CDK5RAP1: variants seen among roughly 807,000 people sequenced by gnomAD.
The protein encoded by CDK5RAP1 is mitochondrial tRNA methylthiotransferase CDK5RAP1.
Under a neutral mutation model 64.5 loss-of-function variants are expected in CDK5RAP1, and 62 were observed. The observed-to-expected ratio is 0.96, with a 90% CI of 0.78 to 1.19. The LOEUF (loss-of-function observed/expected upper bound fraction) is 1.19, where lower values mean the gene tolerates loss of function less well. Among genes scored for constraint, CDK5RAP1 ranks in the 50% most tolerant of loss-of-function variants. The pLI, the probability that CDK5RAP1 is intolerant of heterozygous loss-of-function variation, is 0.00. For missense variants in CDK5RAP1, 657 were observed against 735.0 expected (o/e 0.89, Z 1.23); for synonymous variants, 250 against 261.9 (o/e 0.95, Z 0.44).
At position 33,370,619 on chromosome 20, in the gene CDK5RAP1, G is replaced by A. The variant is rs2146611922; in HGVS notation, c.1272C>T (p.Leu424=). The change falls in exon 11 of 14, where the codon CTC becomes CTT. Residue 424 remains leucine, a synonymous_variant. Transcript: ENST00000346416. ...HIRESIPGVS[L]SSDFIAGFCG... ...AAAAGCCAGCAATGAAATCGCTGCT[G>A]AGGCTCACACCTGTGATACACAGCA... The A allele has an allele frequency of 1.2e-6, 2 of 1,614,196 alleles. No homozygotes were observed. Among genetic ancestry groups the A allele is most frequent in the Non-Finnish European group, 1.7e-6 (2 of 1,180,028 alleles).
intron 7 of CDK5RAP1, among the ~76,000 whole-genome samples, chr20:33,380,571 G>C (rs540579042): frequency 6.6e-6 from 1 of 152,116 alleles, no homozygotes; most frequent in African/African-American, 2.4e-5. Flanking sequence ...GTATCTAGGG[G>C]CAAGTGTCCT....
At chr20:33,389,003 G>A (rs1032877571) in intron 5 of CDK5RAP1, among the ~76,000 whole-genome samples, 1 of 152,218 alleles carries the variant, frequency 6.6e-6, no homozygotes, top group Non-Finnish European at 1.5e-5. Context: ...GCCTGCCTTG[G>A]CCTCCCAAAG....
At position 33,374,129 on chromosome 20, in the gene CDK5RAP1, C is replaced by A; in HGVS notation, c.1191G>T (p.Glu397Asp). 6.2e-7 allele frequency: 1 copy of A among 1,613,398 alleles called. No homozygotes were observed. The highest frequency in any genetic ancestry group is 2.2e-5 in the East Asian group (1 of 44,878). ...GCAAGCCTGACCCCCTCCGCATGGC[C>A]TCCAACACACGGCTGCTTCCACTCT... ...PAQSGSSRVL[E>D]AMRRGYSREA... is the part of the protein sequence containing the mutation. The change falls in exon 9 of 14, where the codon GAG becomes GAT. Residue 397 changes from glutamate (E) to aspartate (D), a missense_variant. Transcript: ENST00000346416.
intron 11 of CDK5RAP1, among the ~76,000 whole-genome samples, chr20:33,368,459 ATTTTTT>A (rs35954744): frequency 8.9e-5 from 6 of 67,566 alleles, no homozygotes; most frequent in South Asian, 7.7e-4. Context: ...CTCTCGGCTA[ATTTTTT>A]TTTTTTTTTT....
chr20:33,382,677 G>T (rs929709500), intron 7 of CDK5RAP1, among the ~76,000 whole-genome samples: 1 of 150,244 alleles, frequency 6.7e-6, no homozygotes, highest in Non-Finnish European at 1.5e-5. Context: ...GCAAAATTCC[G>T]TCTCTAAATA....
rs1234890553 is a variant in CDK5RAP1, at chr20:33,370,563, G to A, written c.1328C>T (p.Thr443Ile). 5 of 1,614,020 alleles carry A rather than the reference G, an allele frequency of 3.1e-6. No individual in the cohort carries two copies. The Admixed American group carries it at 6.7e-5, about 22-fold the overall frequency. Residue 443 changes from threonine to isoleucine, a missense_variant, in exon 11 of 14, where the codon ACA (threonine) becomes ATA (isoleucine). Thr to Ile is a moderately conservative substitution (Grantham distance 89, BLOSUM62 -1). Transcript: ENST00000346416. The stretch of plus-strand genomic sequence containing the variant: ...CTGAACTTCCCGGAGCAAAGAGACT[G>A]TCTGGACGTGATCTTCCTCCGTCTC... ...CGETEEDHVQ[T>I]VSLLREVQYN... is the part of the protein sequence containing the mutation.
At chr20:33,377,172 A>G (rs748359516) in intron 8 of CDK5RAP1, among the ~76,000 whole-genome samples, 2 of 152,134 alleles carry the variant, frequency 1.3e-5, no homozygotes, top group Non-Finnish European at 2.9e-5. Flanking sequence ...CCCACCTCTA[A>G]TTTTTTTAAA....
At chr20:33,366,607 G>A (rs555627729) in intron 12 of CDK5RAP1, among the ~76,000 whole-genome samples, 7 of 152,144 alleles carry the variant, frequency 4.6e-5, no homozygotes, top group South Asian at 4.1e-4. Flanking sequence ...GCGAGACTCC[G>A]TCTCAAAAAA....
chr20:33,389,555 GC>G (rs1568722715), intron 5 of CDK5RAP1, among the ~76,000 whole-genome samples: 1 of 146,142 alleles, frequency 6.8e-6, no homozygotes, highest in African/African-American at 2.6e-5. Context: ...GTCAGCCCCC[GC>G]CCGGCCAGCC....
chr20:33,370,842 C>T (rs1443337422), intron 10 of CDK5RAP1, among the ~76,000 whole-genome samples: 1 of 152,188 alleles, frequency 6.6e-6, no homozygotes, highest in African/African-American at 2.4e-5. Flanking sequence ...CCTACATTTC[C>T]CCTAAGCACT....
chr20:33,400,602 C>A (rs748603870), intron 1 of CDK5RAP1, among the ~76,000 whole-genome samples: 1 of 152,110 alleles, frequency 6.6e-6, no homozygotes, highest in African/African-American at 2.4e-5. Context: ...AGCCCACACC[C>A]CCTTTCACAG....
intron 3 of CDK5RAP1, among the ~76,000 whole-genome samples, chr20:33,394,295 G>A (rs938667488): frequency 6.6e-6 from 1 of 151,458 alleles, no homozygotes; most frequent in African/African-American, 2.4e-5. Flanking sequence ...GGGATTACAG[G>A]TGCCCACCAC....
At chr20:33,379,741 T>TA (rs1163003845) in intron 7 of CDK5RAP1, 50 bp from the exon 8 acceptor site, 5 of 1,328,786 alleles carry the variant, frequency 3.8e-6, no homozygotes, top group African/African-American at 2.9e-5. Context: ...GGTAGCTTCA[T>TA]AAAAAAACAC....
At chr20:33,379,970 TA>T (rs1285026539) in intron 7 of CDK5RAP1, among the ~76,000 whole-genome samples, 1 of 152,148 alleles carries the variant, frequency 6.6e-6, no homozygotes, top group Non-Finnish European at 1.5e-5. Context: ...TAATCCACAA[TA>T]ATGGTTAATT....
chr20:33,372,156 A>G (rs143780010), intron 10 of CDK5RAP1, among the ~76,000 whole-genome samples: 1 of 152,232 alleles, frequency 6.6e-6, no homozygotes, highest in African/African-American at 2.4e-5. Flanking sequence ...TGCTTAAAGT[A>G]TTCTAACTCA....
chr20:33,360,875 T>G (rs1228311352), intron 12 of CDK5RAP1, among the ~76,000 whole-genome samples: 1 of 152,218 alleles, frequency 6.6e-6, no homozygotes, highest in Non-Finnish European at 1.5e-5. Flanking sequence ...TGGGATTGTT[T>G]GGCCTGCATT....
chr20:33,390,121 T>TA (rs1335225569), intron 5 of CDK5RAP1, among the ~76,000 whole-genome samples: 2 of 151,188 alleles, frequency 1.3e-5, no homozygotes, highest in South Asian at 2.1e-4. Context: ...CTACAAAAAA[T>TA]AAAAAAATTA....
intron 8 of CDK5RAP1, among the ~76,000 whole-genome samples, chr20:33,377,826 A>G (rs1986214516): frequency 6.6e-6 from 1 of 152,082 alleles, no homozygotes; most frequent in African/African-American, 2.4e-5. Flanking sequence ...TAATTTTTCT[A>G]TTTTTAGTAG....
At chr20:33,382,793 G>A (rs947555010) in intron 7 of CDK5RAP1, among the ~76,000 whole-genome samples, 16 of 150,982 alleles carry the variant, frequency 1.1e-4, no homozygotes, top group African/African-American at 2.2e-4. Context: ...TGAGTCCCGG[G>A]GGCAGAGGTT....
Sources: allele counts gnomAD v4.1 joint callset (sites outside exome capture counted in the v4.1 genomes callset), GRCh38; gene constraint gnomAD v4.1.1; transcripts MANE v1.5; gene names NCBI Gene and HGNC (gene_info 2026-07-23, HGNC 2026-07-21).